Variants in TES observed in about 807,000 individuals in gnomAD.
TES encodes the protein testin LIM domain protein, also known as testin.
In TES, 41 loss-of-function variants were observed where a neutral mutation model predicts 48.2. The ratio of observed to expected loss-of-function variants is 0.85; its 90% CI spans 0.66 to 1.10. The LOEUF is 1.10. Ranked by LOEUF, TES falls within the 50% of genes least tolerant of loss-of-function variation. TES has a pLI of 0.00. For synonymous variants in TES, 162 were observed against 174.9 expected, an observed-to-expected ratio of 0.93 and a Z score of 0.58; for missense variants, 463 against 515.1, an observed-to-expected ratio of 0.90 and a Z score of 0.98.
At chr7:116,246,008 T>C (rs988062696) in intron 2 of TES, among the ~76,000 whole-genome samples, 1 of 152,106 alleles carries the variant, frequency 6.6e-6, no homozygotes, top group African/African-American at 2.4e-5. Context: ...AATTACCTCC[T>C]ACCACATCTC....
At position 116,234,581 on chromosome 7, in the gene TES, C is replaced by T; in HGVS notation, c.75C>T (p.Cys25=). 6.2e-7 allele frequency: 1 copy of T among 1,613,800 alleles called. No homozygotes were observed. Among genetic ancestry groups the T allele is most frequent in the Non-Finnish European group, 8.5e-7 (1 of 1,179,812 alleles). ...EQGFGAPCLK[C]KEKCEGFELH... Reference sequence around the variant, plus strand: ...GATTTGGAGCCCCTTGTTTAAAATGCAAAGAAAAATGTGAAGGATTCGAAC... The same window carrying T: ...GATTTGGAGCCCCTTGTTTAAAATGTAAAGAAAAATGTGAAGGATTCGAAC... The change falls in exon 2 of 7, where the codon TGC becomes TGT. Residue 25 remains cysteine, a synonymous_variant. Coordinates refer to ENST00000358204, the MANE Select transcript of TES (RefSeq NM_015641.4).
At chr7:116,246,183 C>A (rs1799920985) in intron 2 of TES, among the ~76,000 whole-genome samples, 1 of 152,164 alleles carries the variant, frequency 6.6e-6, no homozygotes, top group African/African-American at 2.4e-5. Flanking sequence ...TTCTTCCTTT[C>A]TTTTCATCTC....
At chr7:116,252,159 C>G (rs866690515) in intron 5 of TES, among the ~76,000 whole-genome samples, 159 bp from the exon 6 acceptor site, 2 of 152,146 alleles carry the variant, frequency 1.3e-5, no homozygotes, top group Admixed American at 6.5e-5. Context: ...AAATGAAAGA[C>G]TAGAAATATA....
intron 1 of TES, among the ~76,000 whole-genome samples, chr7:116,215,470 T>C (rs1195045858): frequency 6.6e-6 from 1 of 152,196 alleles, no homozygotes; most frequent in Non-Finnish European, 1.5e-5. Flanking sequence ...ATTGACATTC[T>C]TTGGGCAGAG....
Position 116,234,620 on chromosome 7 carries a change from G to A in TES, c.113+1G>A. 6.2e-7 allele frequency: 1 copy of A among 1,613,004 alleles called. No individual in the cohort carries two copies. The highest frequency in any genetic ancestry group is 8.5e-7 in the Non-Finnish European group (1 of 1,179,144). ...AAGGATTCGAACTGCACTTCTGGAG[G>A]TATTGTTTTGAAAACTGCAACCACA... is the stretch of plus-strand genomic sequence containing the variant. On this transcript the variant is annotated splice_donor_variant, in intron 2 of 6. Transcript: ENST00000358204. LOFTEE classifies it high-confidence loss of function.
chr7:116,225,156 T>C (rs1262210822), intron 1 of TES, among the ~76,000 whole-genome samples: 1 of 104,534 alleles, frequency 9.6e-6, no homozygotes, highest in Non-Finnish European at 1.9e-5. Flanking sequence ...TCAGTGCTCA[T>C]TTTTTAAAGT....
Position 116,250,451 on chromosome 7 carries a change from G to A in TES, c.657G>A (p.Val219=). ...PGGDRSTPAA[V]GAMEDKSAEH... ...GGGATAGAAGCACCCCAGCAGCAGT[G>A]GGGGCCATGGAGGACAAATCTGCTG... The change falls in exon 4 of 7, where the codon GTG becomes GTA. Residue 219 remains valine (V), a synonymous_variant. Transcript: ENST00000358204. 1 of 1,588,372 alleles carries A rather than the reference G, an allele frequency of 6.3e-7. No individual in the cohort carries two copies. The highest frequency in any genetic ancestry group is 2.3e-5 in the East Asian group (1 of 44,262).
chr7:116,233,044 A>C, intron 1 of TES, among the ~76,000 whole-genome samples: 1 of 152,218 alleles, frequency 6.6e-6, no homozygotes, highest in East Asian at 1.9e-4. Flanking sequence ...ACCAGTTACA[A>C]TGTGGTTTTG....
At chr7:116,229,249 T>C (rs1799666606) in intron 1 of TES, among the ~76,000 whole-genome samples, 1 of 151,882 alleles carries the variant, frequency 6.6e-6, no homozygotes, top group African/African-American at 2.4e-5. Context: ...TTTATATCCC[T>C]CACCAAGAGT....
chr7:116,217,866 A>G (rs932923915), intron 1 of TES: 2 of 516,560 alleles, frequency 3.9e-6, no homozygotes, highest in African/African-American at 3.9e-5. Context: ...TTCAGTTCTA[A>G]GTGCCCTGTC....
intron 2 of TES, among the ~76,000 whole-genome samples, chr7:116,248,301 G>A (rs190018209): frequency 1.1e-3 from 165 of 152,172 alleles, no homozygotes; most frequent in Middle Eastern, 6.8e-3. Flanking sequence ...TTGTCCTTTT[G>A]GTGGAACAAT....
intron 6 of TES, among the ~76,000 whole-genome samples, chr7:116,254,756 A>ATG (rs528007110): frequency 0.091 from 13,059 of 142,812 alleles, 631 homozygotes; most frequent in Middle Eastern, 0.11. Context: ...AAATATATAT[A>ATG]TATGTGTGTG....
intron 6 of TES, 82 bp downstream of exon 6, chr7:116,252,558 G>A: frequency 3.7e-6 from 6 of 1,603,076 alleles, no homozygotes; most frequent in Non-Finnish European, 4.3e-6. Context: ...TCTTACAAAT[G>A]GGAAACAGAA....
intron 1 of TES, among the ~76,000 whole-genome samples, chr7:116,232,438 G>C (rs1799711837): frequency 6.6e-6 from 1 of 152,140 alleles, no homozygotes; most frequent in African/African-American, 2.4e-5. Flanking sequence ...ATTTTCATTT[G>C]GGATTAGAGT....
intron 1 of TES, among the ~76,000 whole-genome samples, chr7:116,227,491 A>C (rs1799638739): frequency 6.6e-6 from 1 of 152,170 alleles, no homozygotes; most frequent in African/African-American, 2.4e-5. Context: ...AAAACGTTCA[A>C]ATTTTAAATC....
chr7:116,240,069 G>A (rs1334085286), intron 2 of TES, among the ~76,000 whole-genome samples: 1 of 152,124 alleles, frequency 6.6e-6, no homozygotes, highest in African/African-American at 2.4e-5. Context: ...ATTTAGAGCT[G>A]GGTGAAAACT....
At chr7:116,222,964 CAAAGT>C (rs1397778654) in intron 1 of TES, 1 of 984,822 alleles carries the variant, frequency 1.0e-6, no homozygotes, top group Non-Finnish European at 1.2e-6. Flanking sequence ...TTGTCTTTCT[CAAAGT>C]AACGGATTCA....
rs548308935 is a variant in TES, at chr7:116,234,866, C to T, written c.113+247C>T. Among the ~76,000 whole-genome samples, 12 of 152,298 alleles carry T rather than the reference C, an allele frequency of 7.9e-5. No homozygotes were observed. The South Asian group carries it at 1.0e-3, about 13-fold the overall frequency. On this transcript the variant is annotated intron_variant, in intron 2 of 6. Transcript: ENST00000358204. Reference sequence around the variant, plus strand: ...TGCTTGCTGTCTTTAAGATTTCCTTCGAGCCTGAAATACTGAATATATCAT... The same window carrying T: ...TGCTTGCTGTCTTTAAGATTTCCTTTGAGCCTGAAATACTGAATATATCAT...
At chr7:116,248,419 G>T (rs571567956) in intron 2 of TES, among the ~76,000 whole-genome samples, 1 of 152,284 alleles carries the variant, frequency 6.6e-6, no homozygotes, top group Non-Finnish European at 1.5e-5. Context: ...CACCAACAGT[G>T]TATAAGCATT....
Sources: gnomAD v4.1 joint callset for allele counts (sites outside exome capture counted in the v4.1 genomes callset) on GRCh38, gnomAD v4.1.1 for gene constraint, MANE v1.5 for transcripts, NCBI Gene and HGNC (gene_info 2026-07-23, HGNC 2026-07-21) for gene names.